Variants in GRID2 observed in about 807,000 individuals in gnomAD.
The protein encoded by GRID2 is glutamate receptor ionotropic, delta-2.
GRID2 carries 33 observed loss-of-function variants against 114.8 expected under a neutral mutation model. The observed-to-expected ratio is 0.29, with a 90% confidence interval of 0.22 to 0.38. GRID2 has a LOEUF of 0.38. GRID2 is among the 10% of genes least tolerant of loss of function. The pLI is 1.00. For missense variants in GRID2, 1,184 were observed against 1,257.7 expected (o/e 0.94, Z 0.89); for synonymous variants, 505 against 449.9 (o/e 1.12, Z -1.55).
intron 4 of GRID2, among the ~76,000 whole-genome samples, chr4:93,171,468 C>T (rs1451224093): frequency 6.6e-6 from 1 of 152,210 alleles, no homozygotes; most frequent in Non-Finnish European, 1.5e-5. Flanking sequence ...AAATTATCCT[C>T]ATCTAACATT....
chr4:93,392,860 T>A (rs895044568), intron 8 of GRID2, among the ~76,000 whole-genome samples: 2 of 152,022 alleles, frequency 1.3e-5, no homozygotes, highest in Non-Finnish European at 2.9e-5. Context: ...AAATACTAAT[T>A]TTACCTCTTA....
intron 13 of GRID2, among the ~76,000 whole-genome samples, chr4:93,520,316 G>GA (rs2149497322): frequency 6.6e-6 from 1 of 151,846 alleles, no homozygotes; most frequent in Admixed American, 6.6e-5. Flanking sequence ...GTGCTCTAAA[G>GA]AAAAACTGGA....
intron 14 of GRID2, among the ~76,000 whole-genome samples, chr4:93,656,434 T>C (rs1722997059): frequency 6.7e-6 from 1 of 148,814 alleles, no homozygotes; most frequent in African/African-American, 2.5e-5. Flanking sequence ...TATTTGCTAT[T>C]TTTGAAAAAT....
chr4:92,592,939 A>T (rs1011023810), intron 2 of GRID2, among the ~76,000 whole-genome samples: 5 of 152,072 alleles, frequency 3.3e-5, no homozygotes, highest in African/African-American at 9.6e-5. Flanking sequence ...GTAATTTAGG[A>T]GAAAACCTCA....
intron 13 of GRID2, among the ~76,000 whole-genome samples, chr4:93,601,648 A>G (rs934880067): frequency 2.0e-5 from 3 of 152,298 alleles, no homozygotes; most frequent in African/African-American, 4.8e-5. Flanking sequence ...TACTTGTAAA[A>G]TGTTTACTGG....
chr4:93,189,422 C>T (rs1372700845), intron 4 of GRID2, among the ~76,000 whole-genome samples: 1 of 152,088 alleles, frequency 6.6e-6, no homozygotes, highest in African/African-American at 2.4e-5. Flanking sequence ...ACTAATCCTA[C>T]TCATGACGGT....
intron 14 of GRID2, among the ~76,000 whole-genome samples, chr4:93,739,292 T>C (rs996598127): frequency 2.0e-5 from 3 of 152,142 alleles, no homozygotes; most frequent in Admixed American, 6.5e-5. Context: ...AGAAGCTGTA[T>C]AAACAATTTG....
At chr4:92,992,787 A>G (rs1754983523) in intron 2 of GRID2, among the ~76,000 whole-genome samples, 1 of 152,136 alleles carries the variant, frequency 6.6e-6, no homozygotes, top group Non-Finnish European at 1.5e-5. Context: ...AGACTTGAAC[A>G]TTATTAAACT....
intron 2 of GRID2, among the ~76,000 whole-genome samples, chr4:92,918,815 T>C (rs1014224930): frequency 6.6e-6 from 1 of 152,174 alleles, no homozygotes; most frequent in East Asian, 1.9e-4. Flanking sequence ...AAATTCTCTT[T>C]TATTGTTGTG....
At chr4:92,314,338 CAA>C (rs1401546507) in intron 1 of GRID2, among the ~76,000 whole-genome samples, 3 of 152,050 alleles carry the variant, frequency 2.0e-5, no homozygotes, top group African/African-American at 7.2e-5. Context: ...CAGGAACACA[CAA>C]TATTTCTATT....
At chr4:93,016,372 T>A (rs1722716505) in intron 2 of GRID2, among the ~76,000 whole-genome samples, 1 of 152,174 alleles carries the variant, frequency 6.6e-6, no homozygotes, top group Non-Finnish European at 1.5e-5. Context: ...TACAATGCAC[T>A]GTGCACTATT....
chr4:92,436,764 G>T (rs1415769419), intron 1 of GRID2, among the ~76,000 whole-genome samples: 1 of 151,906 alleles, frequency 6.6e-6, no homozygotes, highest in Non-Finnish European at 1.5e-5. Context: ...ATTTAATATT[G>T]AAGACAAAGG....
intron 1 of GRID2, among the ~76,000 whole-genome samples, chr4:92,338,690 T>C (rs1331498618): frequency 6.6e-6 from 1 of 152,120 alleles, no homozygotes; most frequent in Non-Finnish European, 1.5e-5. Flanking sequence ...TGTTCCTAAA[T>C]GTCATAAAAA....
In GRID2 at chr4:93,578,595, T is replaced by G. The variant is rs1342826398; in HGVS notation, c.2194-47674T>G. ...CTTGTCTTGTTTTTTGTATTTTTTT[T>G]TTTTTTTTTTTTTTTTGAGTTGGAG... On this transcript the variant is annotated intron_variant, in intron 13 of 15. Transcript: ENST00000282020. Among the ~76,000 whole-genome samples, 2 of 137,472 alleles carry G rather than the reference T, an allele frequency of 1.5e-5. 1 individual carries two copies. The allele number at this position is 137,472 out of a possible 152,430, so 90.2% of individuals were successfully genotyped here. A position where few individuals can be genotyped will look rare whatever the true frequency, so the allele number is the denominator to read the frequency against.
intron 8 of GRID2, among the ~76,000 whole-genome samples, chr4:93,313,668 A>G (rs1334825526): frequency 6.6e-6 from 1 of 152,224 alleles, no homozygotes; most frequent in East Asian, 1.9e-4. Flanking sequence ...ACTAGTATGG[A>G]GTATGCCTTC....
intron 1 of GRID2, among the ~76,000 whole-genome samples, chr4:92,429,857 T>TATGG (rs1732353546): frequency 1.3e-5 from 2 of 152,176 alleles, no homozygotes; most frequent in Admixed American, 1.3e-4. Flanking sequence ...TGATCAATGA[T>TATGG]ATGGAGCACC....
chr4:92,734,349 G>A (rs1736485100), intron 2 of GRID2, among the ~76,000 whole-genome samples: 1 of 151,746 alleles, frequency 6.6e-6, no homozygotes, highest in South Asian at 2.1e-4. Flanking sequence ...GAAGTGCAGT[G>A]TTGCTCACTG....
intron 14 of GRID2, among the ~76,000 whole-genome samples, chr4:93,667,376 T>TTC (rs757930454): frequency 9.3e-5 from 14 of 150,154 alleles, no homozygotes; most frequent in African/African-American, 1.8e-4. Flanking sequence ...ATCTGTTAGA[T>TTC]TCTCTCTCTC....
At position 93,003,633 on chromosome 4, in the gene GRID2, C is replaced by G. The variant is rs541365854; in HGVS notation, c.245-81362C>G. Reference sequence around the variant, plus strand: ...TAGTTTATGGAAAAATTAGTCTGGCCATGTTAATAGCGGTGCTGGTGTCAG... The same window carrying G: ...TAGTTTATGGAAAAATTAGTCTGGCGATGTTAATAGCGGTGCTGGTGTCAG... On this transcript the variant is annotated intron_variant, in intron 2 of 15. Coordinates refer to ENST00000282020, the MANE Select transcript of GRID2 (RefSeq NM_001510.4). Among the ~76,000 whole-genome samples the G allele has an allele frequency of 2.6e-5, 4 of 151,940 alleles. No individual in the cohort carries two copies. In the South Asian group the frequency reaches 8.3e-4, roughly 32 times the overall value.
Sources: gnomAD v4.1 joint callset for allele counts (sites outside exome capture counted in the v4.1 genomes callset) on GRCh38, gnomAD v4.1.1 for gene constraint, MANE v1.5 for transcripts, NCBI Gene and HGNC (gene_info 2026-07-23, HGNC 2026-07-21) for gene names.